ITFG1: variants seen among roughly 807,000 people sequenced by gnomAD.
ITFG1 encodes the protein T-cell immunomodulatory protein.
In ITFG1, 34 loss-of-function variants were observed where a neutral mutation model predicts 81.8. That is an observed-to-expected ratio of 0.42 (90% confidence interval 0.32 to 0.55). The LOEUF is 0.55. Ranked by LOEUF, ITFG1 falls within the 20% of genes least tolerant of loss-of-function variation. ITFG1 has a pLI of 0.17. For synonymous variants in ITFG1, 285 were observed against 270.6 expected (o/e 1.05, Z -0.52); for missense variants, 672 against 755.4 (o/e 0.89, Z 1.29).
intron 10 of ITFG1, among the ~76,000 whole-genome samples, chr16:47,274,978 T>A (rs1966382469): frequency 6.6e-6 from 1 of 152,210 alleles, no homozygotes; most frequent in African/African-American, 2.4e-5. Context: ...ATTCAAACTC[T>A]GTTCACTATG....
intron 4 of ITFG1, among the ~76,000 whole-genome samples, 158 bp from the exon 5 acceptor site, chr16:47,451,628 T>C (rs943332771): frequency 1.3e-5 from 2 of 152,178 alleles, no homozygotes; most frequent in Admixed American, 6.5e-5. Context: ...ACAAGTGACA[T>C]GTGTCACTTT....
chr16:47,226,235 A>C (rs2151529919), intron 13 of ITFG1, among the ~76,000 whole-genome samples: 1 of 152,270 alleles, frequency 6.6e-6, no homozygotes, highest in East Asian at 1.9e-4. Context: ...GTGAGACCCG[A>C]GTCTCGTTTT....
intron 3 of ITFG1, 101 bp from the exon 4 acceptor site, chr16:47,452,891 ATC>A: frequency 1.7e-6 from 1 of 602,156 alleles, no homozygotes; most frequent in Non-Finnish European, 2.9e-6. Flanking sequence ...TTCTAGATTT[ATC>A]TCTGATTTAT....
intron 14 of ITFG1, among the ~76,000 whole-genome samples, chr16:47,197,534 A>G (rs1236856568): frequency 6.6e-6 from 1 of 152,192 alleles, no homozygotes; most frequent in Non-Finnish European, 1.5e-5. Context: ...AAATGTATAA[A>G]ATCTAACTGT....
intron 16 of ITFG1, among the ~76,000 whole-genome samples, chr16:47,160,571 AC>A (rs900270841): frequency 2.0e-5 from 3 of 152,182 alleles, no homozygotes; most frequent in African/African-American, 7.2e-5. Context: ...ACACAAACAT[AC>A]AATACAGGCT....
chr16:47,404,450 T>C (rs1215995677), intron 6 of ITFG1, among the ~76,000 whole-genome samples: 1 of 152,176 alleles, frequency 6.6e-6, no homozygotes, highest in Non-Finnish European at 1.5e-5. Context: ...ATAACTCATA[T>C]AAGCTAAACA....
rs1967476445 is a variant in ITFG1, at chr16:47,323,274, G to A, written c.803-9451C>T. Among the ~76,000 whole-genome samples the A allele has an allele frequency of 2.0e-5, 3 of 152,108 alleles. No individual in the cohort carries two copies. The South Asian group carries it at 6.2e-4, about 32-fold the overall frequency. Reference sequence around the variant, plus strand: ...GTTAATGAATTCATGGGTGATCATGGCAAAGAACATGGGTTATCATGGGAG... The same window carrying A: ...GTTAATGAATTCATGGGTGATCATGACAAAGAACATGGGTTATCATGGGAG... On this transcript the variant is annotated intron_variant, in intron 8 of 17. Coordinates refer to ENST00000320640, the MANE Select transcript of ITFG1 (RefSeq NM_030790.5).
chr16:47,287,327 A>G (rs1464592925), intron 10 of ITFG1, among the ~76,000 whole-genome samples: 1 of 151,986 alleles, frequency 6.6e-6, no homozygotes, highest in Non-Finnish European at 1.5e-5. Flanking sequence ...AGTGATTCTC[A>G]TGCCCTGGCC....
chr16:47,410,366 T>C (rs1055775346), intron 6 of ITFG1, among the ~76,000 whole-genome samples: 2 of 152,068 alleles, frequency 1.3e-5, no homozygotes, highest in Non-Finnish European at 2.9e-5. Flanking sequence ...CCAGTTAGTA[T>C]ATGAAAAGCT....
chr16:47,249,080 A>AT (rs947718570), intron 12 of ITFG1, among the ~76,000 whole-genome samples: 2 of 152,202 alleles, frequency 1.3e-5, no homozygotes, highest in African/African-American at 4.8e-5. Flanking sequence ...AAGTTTAAGA[A>AT]TTTTTAATAA....
At chr16:47,451,218 C>T (rs948442038) in intron 5 of ITFG1, among the ~76,000 whole-genome samples, 178 bp downstream of exon 5, 1 of 152,052 alleles carries the variant, frequency 6.6e-6, no homozygotes, top group Non-Finnish European at 1.5e-5. Flanking sequence ...AGTAAGCTGG[C>T]CCTTGGAAAG....
intron 13 of ITFG1, among the ~76,000 whole-genome samples, chr16:47,227,866 C>CAAA (rs1965774197): frequency 6.6e-6 from 1 of 152,128 alleles, no homozygotes; most frequent in East Asian, 1.9e-4. Flanking sequence ...CTTAACTTTT[C>CAAA]TCAAGGGTAA....
chr16:47,261,288 GC>G (rs1966206763), intron 10 of ITFG1, among the ~76,000 whole-genome samples: 1 of 152,198 alleles, frequency 6.6e-6, no homozygotes, highest in Non-Finnish European at 1.5e-5. Flanking sequence ...CTGTTATTTA[GC>G]AGCTCTGTGG....
chr16:47,451,319 G>T, intron 5 of ITFG1, 77 bp downstream of exon 5: 1 of 748,866 alleles, frequency 1.3e-6, no homozygotes, highest in Non-Finnish European at 2.2e-6. Context: ...GGATTCCAAT[G>T]AGCTATTTTT....
chr16:47,216,085 C>A (rs117908869), intron 14 of ITFG1, among the ~76,000 whole-genome samples: 1 of 151,784 alleles, frequency 6.6e-6, no homozygotes. Flanking sequence ...TTGTTCCATT[C>A]GCTTAAAAAA....
chr16:47,428,902 AAAAAT>A lies in ITFG1; in HGVS notation c.561-9_561-5del, dbSNP rs1969057953. On this transcript the variant is annotated splice_region_variant and splice_polypyrimidine_tract_variant and intron_variant, in intron 5 of 17. Coordinates refer to ENST00000320640, the MANE Select transcript of ITFG1 (RefSeq NM_030790.5). ...TGCTGGATGCCATGATAAATTCCTA[AAAAAT>A]AAAATAAAAATACTTTTCTTAAGGC... 1 of 1,534,382 alleles carries A rather than the reference AAAAAT, an allele frequency of 6.5e-7. No individual in the cohort carries two copies. The highest frequency in any genetic ancestry group is 8.9e-7 in the Non-Finnish European group (1 of 1,124,676).
intron 13 of ITFG1, among the ~76,000 whole-genome samples, chr16:47,220,443 C>T (rs748265380): frequency 1.3e-5 from 2 of 152,200 alleles, no homozygotes; most frequent in Admixed American, 1.3e-4. Context: ...TGAAAATGGA[C>T]AGAGTGAGTC....
At chr16:47,308,319 C>T (rs888827744) in intron 10 of ITFG1, among the ~76,000 whole-genome samples, 7 of 152,090 alleles carry the variant, frequency 4.6e-5, no homozygotes, top group Non-Finnish European at 1.5e-5. Flanking sequence ...TCATAGAGAA[C>T]GTGAAAAAGA....
intron 8 of ITFG1, among the ~76,000 whole-genome samples, chr16:47,347,824 C>T (rs936655804): frequency 3.3e-5 from 5 of 152,194 alleles, no homozygotes; most frequent in South Asian, 2.1e-4. Flanking sequence ...CTCACATGGC[C>T]GGGTACCCCT....
Sources: gnomAD v4.1 joint callset for allele counts (sites outside exome capture counted in the v4.1 genomes callset) on GRCh38, gnomAD v4.1.1 for gene constraint, MANE v1.5 for transcripts, NCBI Gene and HGNC (gene_info 2026-07-23, HGNC 2026-07-21) for gene names.